Variants in DYNC1I1 observed in about 807,000 individuals in gnomAD.
DYNC1I1 encodes dynein cytoplasmic 1 intermediate chain 1.
DYNC1I1 carries 43 observed loss-of-function variants against 86.6 expected under a neutral mutation model. That is an observed-to-expected ratio of 0.50 (90% CI 0.39 to 0.64). DYNC1I1 has a LOEUF of 0.64. DYNC1I1 is among the 30% of genes least tolerant of loss of function. The pLI, the probability that DYNC1I1 is intolerant of heterozygous loss-of-function variation, is 0.00. For missense variants in DYNC1I1, 604 were observed against 788.8 expected (o/e 0.77, Z 2.81); for synonymous variants, 262 against 283.7 (o/e 0.92, Z 0.77).
intron 6 of DYNC1I1, among the ~76,000 whole-genome samples, chr7:95,917,751 AC>A (rs1286064219): frequency 6.6e-6 from 1 of 152,154 alleles, no homozygotes; most frequent in African/African-American, 2.4e-5. Context: ...GTTTTTCTTC[AC>A]CTTGTGGGCA....
chr7:96,007,381 G>A (rs1022322274), intron 10 of DYNC1I1, among the ~76,000 whole-genome samples: 14 of 152,162 alleles, frequency 9.2e-5, no homozygotes, highest in African/African-American at 3.4e-4. Context: ...ATGAATTCAA[G>A]CCATAAATAT....
chr7:95,833,708 A>G (rs1409309600), intron 5 of DYNC1I1, among the ~76,000 whole-genome samples: 1 of 148,330 alleles, frequency 6.7e-6, no homozygotes, highest in African/African-American at 2.5e-5. Flanking sequence ...TTGGATTCCT[A>G]GGTATTTTAT....
intron 7 of DYNC1I1, among the ~76,000 whole-genome samples, chr7:95,983,761 G>A (rs561777848): frequency 6.6e-6 from 1 of 152,168 alleles, no homozygotes; most frequent in Non-Finnish European, 1.5e-5. Context: ...GGAAAACCCT[G>A]TAGGTGAGTG....
At chr7:96,082,629 A>G (rs114049409) in intron 16 of DYNC1I1, among the ~76,000 whole-genome samples, 2,133 of 152,312 alleles carry the variant, frequency 0.014, 54 homozygotes, top group African/African-American at 0.048. Flanking sequence ...ATATATACAC[A>G]CTATATATAT....
At chr7:96,008,075 G>T (rs1489719833) in intron 10 of DYNC1I1, among the ~76,000 whole-genome samples, 1 of 152,124 alleles carries the variant, frequency 6.6e-6, no homozygotes, top group Non-Finnish European at 1.5e-5. Context: ...GGGATCACAG[G>T]CAGCAGGTAT....
intron 6 of DYNC1I1, among the ~76,000 whole-genome samples, chr7:95,901,438 T>C (rs1279108073): frequency 6.6e-6 from 1 of 152,242 alleles, no homozygotes; most frequent in Admixed American, 6.5e-5. Flanking sequence ...GAGTGAGAGC[T>C]ACACTGTATT....
chr7:95,897,593 T>G (rs1255389609), intron 6 of DYNC1I1, among the ~76,000 whole-genome samples: 2 of 152,174 alleles, frequency 1.3e-5, no homozygotes, highest in African/African-American at 2.4e-5. Flanking sequence ...TGAGTGGTCC[T>G]CCCTGAGTGT....
chr7:95,816,573 G>A (rs559571486), intron 4 of DYNC1I1, among the ~76,000 whole-genome samples: 6 of 152,162 alleles, frequency 3.9e-5, no homozygotes, highest in Non-Finnish European at 5.9e-5. Flanking sequence ...TAATTATACT[G>A]GCAAGCAACA....
At chr7:95,895,942 G>A (rs4729222) in intron 6 of DYNC1I1, among the ~76,000 whole-genome samples, 17,053 of 152,222 alleles carry the variant, frequency 0.11, 1,083 homozygotes, top group East Asian at 0.22. Context: ...TTCAGAGTCA[G>A]CTTGAGAGGG....
At chr7:95,853,315 AG>A (rs890177762) in intron 5 of DYNC1I1, among the ~76,000 whole-genome samples, 18 of 152,140 alleles carry the variant, frequency 1.2e-4, no homozygotes, top group African/African-American at 4.3e-4. Flanking sequence ...TGTTATTATA[AG>A]AGTGGATTCC....
intron 6 of DYNC1I1, among the ~76,000 whole-genome samples, chr7:95,939,795 A>G (rs577714878): frequency 2.0e-5 from 3 of 152,170 alleles, no homozygotes; most frequent in Non-Finnish European, 4.4e-5. Flanking sequence ...TAGTCCATTT[A>G]CATTTAAGGT....
intron 4 of DYNC1I1, chr7:95,818,727 A>T: frequency 2.3e-6 from 1 of 427,006 alleles, no homozygotes; most frequent in Non-Finnish European, 4.1e-6. Flanking sequence ...ATAACAAAAT[A>T]AAAACATCAT....
chr7:96,063,186 A>G (rs906783420), intron 14 of DYNC1I1, among the ~76,000 whole-genome samples: 5 of 151,710 alleles, frequency 3.3e-5, no homozygotes, highest in African/African-American at 9.7e-5. Flanking sequence ...TGGAGGCGCA[A>G]TATAGCTGAT....
chr7:95,897,872 C>T (rs1482989983), intron 6 of DYNC1I1, among the ~76,000 whole-genome samples: 1 of 152,014 alleles, frequency 6.6e-6, no homozygotes, highest in Non-Finnish European at 1.5e-5. Context: ...CACCAAAATA[C>T]TGGGCTCCTT....
intron 10 of DYNC1I1, among the ~76,000 whole-genome samples, chr7:96,022,048 A>G (rs1248037552): frequency 6.6e-6 from 1 of 152,134 alleles, no homozygotes; most frequent in East Asian, 1.9e-4. Flanking sequence ...GGGACATATG[A>G]TAATTCTATG....
At chr7:96,092,863 C>T (rs1790888643) in intron 16 of DYNC1I1, among the ~76,000 whole-genome samples, 1 of 152,158 alleles carries the variant, frequency 6.6e-6, no homozygotes, top group African/African-American at 2.4e-5. Flanking sequence ...TCTTTACAAT[C>T]TTTGAGCAGG....
intron 6 of DYNC1I1, among the ~76,000 whole-genome samples, chr7:95,913,262 C>G (rs149188578): frequency 1.3e-5 from 2 of 152,192 alleles, no homozygotes; most frequent in African/African-American, 4.8e-5. Flanking sequence ...CTGATCCTTG[C>G]TAAGTAAAGT....
At chr7:95,978,118 C>T (rs1372031568) in intron 7 of DYNC1I1, among the ~76,000 whole-genome samples, 1 of 152,146 alleles carries the variant, frequency 6.6e-6, no homozygotes, top group African/African-American at 2.4e-5. Context: ...TTATTAAGGG[C>T]TCACTATGCC....
intron 6 of DYNC1I1, among the ~76,000 whole-genome samples, chr7:95,934,548 T>C (rs1326675089): frequency 6.6e-6 from 1 of 152,054 alleles, no homozygotes; most frequent in African/African-American, 2.4e-5. Context: ...ATAGACACTG[T>C]TAGTTTGTTG....
Sources: allele counts gnomAD v4.1 joint callset (sites outside exome capture counted in the v4.1 genomes callset), GRCh38; gene constraint gnomAD v4.1.1; transcripts MANE v1.5; gene names NCBI Gene and HGNC (gene_info 2026-07-23, HGNC 2026-07-21).